MCF2L: variants seen among roughly 807,000 people sequenced by gnomAD.
MCF2L encodes the protein guanine nucleotide exchange factor DBS.
MCF2L carries 97 observed loss-of-function variants against 153.4 expected under a neutral mutation model. The observed-to-expected ratio is 0.63, with a 90% confidence interval of 0.54 to 0.75. The LOEUF (loss-of-function observed/expected upper bound fraction) is 0.75, where lower values mean the gene tolerates loss of function less well. Among genes scored for constraint, MCF2L ranks in the 30% least tolerant of loss-of-function variants. The pLI, the probability that MCF2L is intolerant of heterozygous loss-of-function variation, is 0.00. For synonymous variants in MCF2L, 659 were observed against 632.2 expected, an observed-to-expected ratio of 1.04 and a Z score of -0.64; for missense variants, 1,347 against 1,495.2, an observed-to-expected ratio of 0.90 and a Z score of 1.64.
intron 2 of MCF2L, among the ~76,000 whole-genome samples, chr13:112,915,366 G>A (rs919551217): frequency 8.6e-5 from 11 of 128,252 alleles, no homozygotes; most frequent in South Asian, 2.6e-4. Context: ...CTGAGATTGC[G>A]CCACTGCACT....
At chr13:112,994,117 T>G (rs981952571) in intron 1 of MCF2L, among the ~76,000 whole-genome samples, 9 of 152,072 alleles carry the variant, frequency 5.9e-5, no homozygotes, top group Non-Finnish European at 1.0e-4. Flanking sequence ...CTGACGTCAC[T>G]GTCTGTGCCG....
At chr13:113,095,086 C>T in intron 27 of MCF2L, 2 of 1,360,608 alleles carry the variant, frequency 1.5e-6, no homozygotes, top group Non-Finnish European at 2.0e-6. Context: ...CCTAACTATA[C>T]ATACAATTCT....
chr13:113,044,603 G>A (rs1380913732), intron 3 of MCF2L: 1 of 1,559,362 alleles, frequency 6.4e-7, no homozygotes, highest in African/African-American at 1.4e-5. Flanking sequence ...TGGCTTGGCT[G>A]CAGAGTGAGC....
At chr13:112,896,877 T>A (rs972380680) in intron 1 of MCF2L, among the ~76,000 whole-genome samples, 2 of 152,194 alleles carry the variant, frequency 1.3e-5, no homozygotes, top group African/African-American at 2.4e-5. Context: ...AACAGGGCCC[T>A]GCGTCTTCGG....
intron 2 of MCF2L, among the ~76,000 whole-genome samples, chr13:112,908,981 C>T (rs972583607): frequency 3.9e-5 from 6 of 152,202 alleles, no homozygotes; most frequent in African/African-American, 1.2e-4. Context: ...GCCTCAGCCT[C>T]CCAAAGCACT....
rs545986714 is a variant in MCF2L, at chr13:113,055,098, CCAATT to C, written c.370-5492_370-5488del. Among the ~76,000 whole-genome samples, 537 of 152,252 alleles carry C rather than the reference CCAATT, an allele frequency of 3.5e-3. 4 individuals are homozygous for C. The highest frequency in any genetic ancestry group is 0.012 in the African/African-American group (501 of 41,532). On this transcript the variant is annotated intron_variant, in intron 4 of 29. Transcript: ENST00000535094. ...CAGCTTTTAATACAAACGGTCAACT[CCAATT>C]CAGAGAAAATTTTATTTGCTGTTAT...
At chr13:113,065,484 G>A (rs865908507) in intron 7 of MCF2L, among the ~76,000 whole-genome samples, 1 of 152,228 alleles carries the variant, frequency 6.6e-6, no homozygotes, top group South Asian at 2.1e-4. Context: ...CAGGATGTCT[G>A]TGCCGGTTTC....
intron 4 of MCF2L, among the ~76,000 whole-genome samples, chr13:113,057,346 G>A (rs1369201618): frequency 6.7e-6 from 1 of 149,442 alleles, no homozygotes; most frequent in Non-Finnish European, 1.5e-5. Flanking sequence ...AGTGGGTGCT[G>A]TGTGGGCGCT....
intron 26 of MCF2L, among the ~76,000 whole-genome samples, chr13:113,092,859 C>T (rs967122511): frequency 6.6e-6 from 1 of 152,244 alleles, no homozygotes; most frequent in Admixed American, 6.5e-5. Flanking sequence ...TGAGCACCCA[C>T]GGCCAGGGCA....
chr13:113,047,680 C>T (rs2086901212), intron 4 of MCF2L, among the ~76,000 whole-genome samples: 1 of 152,242 alleles, frequency 6.6e-6, no homozygotes, highest in African/African-American at 2.4e-5. Flanking sequence ...ACCTGGGTGC[C>T]TTTCATGCCC....
chr13:113,072,645 A>G lies in MCF2L; in HGVS notation c.997-1799A>G, dbSNP rs537398978. On this transcript the variant is annotated intron_variant, in intron 9 of 29. Transcript: ENST00000535094. ...TTCAAGGCAATGTGTAGGGTTGTTT[A>G]TAGTATTCTTTCTTATCTTTTTGAC... Among the ~76,000 whole-genome samples the G allele has an allele frequency of 3.9e-5, 6 of 152,336 alleles. No homozygotes were observed. The South Asian group carries it at 1.2e-3, about 32-fold the overall frequency.
intron 2 of MCF2L, among the ~76,000 whole-genome samples, chr13:112,913,969 C>G (rs559188436): frequency 1.3e-5 from 2 of 152,180 alleles, no homozygotes; most frequent in Admixed American, 1.3e-4. Context: ...GCCTGCACCT[C>G]GAGTCCAGAC....
chr13:112,908,308 C>T (rs546423034), intron 2 of MCF2L, among the ~76,000 whole-genome samples: 2 of 152,288 alleles, frequency 1.3e-5, no homozygotes, highest in East Asian at 1.9e-4. Flanking sequence ...GTCTCCCAAG[C>T]GCCCTCTGAT....
At chr13:113,025,875 G>A (rs1346730476) in intron 3 of MCF2L, among the ~76,000 whole-genome samples, 7 of 138,176 alleles carry the variant, frequency 5.1e-5, no homozygotes, top group Admixed American at 7.2e-5. Flanking sequence ...ACTGTGGGTC[G>A]GGGCAGAGTC....
intron 5 of MCF2L, among the ~76,000 whole-genome samples, chr13:113,061,378 C>T (rs1182922779): frequency 6.6e-6 from 1 of 152,140 alleles, no homozygotes; most frequent in Non-Finnish European, 1.5e-5. Flanking sequence ...GTGTAGCTCC[C>T]CCGGAGAGCC....
At chr13:113,033,669 G>A (rs937300223) in intron 3 of MCF2L, among the ~76,000 whole-genome samples, 12 of 152,138 alleles carry the variant, frequency 7.9e-5, no homozygotes, top group African/African-American at 2.9e-4. Context: ...CAGTTTCAGG[G>A]CTACCCTTGT....
At chr13:112,995,842 G>C (rs963815959) in intron 1 of MCF2L, among the ~76,000 whole-genome samples, 1 of 152,278 alleles carries the variant, frequency 6.6e-6, no homozygotes, top group East Asian at 1.9e-4. Context: ...GGCGTGGCCC[G>C]GAAGTCCGTT....
At chr13:112,917,490 C>T (rs762150183) in intron 2 of MCF2L, 19 of 307,340 alleles carry the variant, frequency 6.2e-5, no homozygotes, top group South Asian at 1.5e-4. Flanking sequence ...TCCCCACCGC[C>T]GTCTCGCAGA....
At chr13:113,086,647 A>T (rs982813474) in intron 21 of MCF2L, among the ~76,000 whole-genome samples, 3 of 152,124 alleles carry the variant, frequency 2.0e-5, no homozygotes, top group Admixed American at 6.5e-5. Flanking sequence ...GTGGCCCCAG[A>T]AGGCAGATGT....
Sources: gnomAD v4.1 joint callset for allele counts (sites outside exome capture counted in the v4.1 genomes callset) on GRCh38, gnomAD v4.1.1 for gene constraint, MANE v1.5 for transcripts, NCBI Gene and HGNC (gene_info 2026-07-23, HGNC 2026-07-21) for gene names.